The following FHIT variants were observed in gnomAD, a reference collection of about 807,000 sequenced individuals.
The protein encoded by FHIT is fragile histidine triad diadenosine triphosphatase.
FHIT carries 19 observed loss-of-function variants against 17.9 expected under a neutral mutation model. The observed-to-expected ratio is 1.06, with a 90% CI of 0.74 to 1.56. FHIT has a LOEUF of 1.56. Among genes scored for constraint, FHIT ranks in the 40% most tolerant of loss-of-function variants. FHIT has a pLI of 0.00. For missense variants in FHIT, 248 were observed against 189.2 expected (o/e 1.31, Z -1.82); for synonymous variants, 81 against 69.7 (o/e 1.16, Z -0.81).
At position 60,431,710 on chromosome 3, in the gene FHIT, C is replaced by CT. The variant is rs535493427; in HGVS notation, c.103+105149dup. On this transcript the variant is annotated intron_variant, in intron 5 of 9. Coordinates refer to ENST00000492590, the MANE Select transcript of FHIT (RefSeq NM_002012.4). ...ATTTCCTAAGCACCTCACTGACATC[C>CT]TGCAACTTGGCTTACAAACTTCCCT... 1.1e-3 allele frequency among the ~76,000 whole-genome samples: 170 copies of CT among 152,150 alleles called. 2 individuals are homozygous for CT. Among genetic ancestry groups the CT allele is most frequent in the African/African-American group, 4.0e-3 (168 of 41,552 alleles).
At chr3:60,449,983 C>A (rs1422378584) in intron 5 of FHIT, among the ~76,000 whole-genome samples, 7 of 112,934 alleles carry the variant, frequency 6.2e-5, no homozygotes, top group African/African-American at 2.4e-4. Flanking sequence ...AGCCTGGCGA[C>A]AGAGCTAGAC....
At chr3:60,959,694 T>A (rs567964761) in intron 3 of FHIT, among the ~76,000 whole-genome samples, 39 of 151,942 alleles carry the variant, frequency 2.6e-4, no homozygotes, top group Middle Eastern at 3.4e-3. Flanking sequence ...AATGTGCAAA[T>A]GCTCTGTGGG....
chr3:59,766,972 G>A (rs115113864), intron 8 of FHIT, among the ~76,000 whole-genome samples: 374 of 152,232 alleles, frequency 2.5e-3, no homozygotes, highest in African/African-American at 8.7e-3. Flanking sequence ...TTATCAGACT[G>A]TGTCTACCAG....
At chr3:60,037,979 G>A (rs1274361874) in intron 5 of FHIT, among the ~76,000 whole-genome samples, 2 of 152,142 alleles carry the variant, frequency 1.3e-5, no homozygotes, top group Admixed American at 1.3e-4. Context: ...CTCCCAAAGT[G>A]TTGGGATTAC....
chr3:59,765,113 T>C (rs1701731097), intron 8 of FHIT, among the ~76,000 whole-genome samples: 1 of 152,156 alleles, frequency 6.6e-6, no homozygotes, highest in African/African-American at 2.4e-5. Flanking sequence ...GCTGAAATAT[T>C]ATAGAGAGTT....
At chr3:60,364,838 C>T (rs866828569) in intron 5 of FHIT, among the ~76,000 whole-genome samples, 3 of 152,118 alleles carry the variant, frequency 2.0e-5, no homozygotes, top group African/African-American at 7.2e-5. Context: ...AGGGAAAATT[C>T]ACTCTCTCTG....
chr3:60,599,827 C>T (rs1429117430), intron 4 of FHIT, among the ~76,000 whole-genome samples: 2 of 152,092 alleles, frequency 1.3e-5, no homozygotes, highest in Non-Finnish European at 2.9e-5. Context: ...TCTAAACTCC[C>T]TTTCTTTAGG....
At position 59,752,389 on chromosome 3, in the gene FHIT, G is replaced by A. The variant is rs922401219; in HGVS notation, c.349-68C>T. 12 of 1,286,854 alleles carry A rather than the reference G, an allele frequency of 9.3e-6. No individual in the cohort carries two copies. The African/African-American group carries it at 1.2e-4, about 13-fold the overall frequency. The allele number at this position is 1,286,854 out of a possible 1,614,324, so 79.7% of individuals were successfully genotyped here. A position where few individuals can be genotyped will look rare whatever the true frequency, so the allele number is the denominator to read the frequency against. ...GGGATCTCCTTGAACAAATTTCGGG[G>A]GGCTGGGGGAGACTGAACAAAATTT... On this transcript the variant is annotated intron_variant, in intron 8 of 9. Coordinates refer to ENST00000492590, the MANE Select transcript of FHIT (RefSeq NM_002012.4).
chr3:61,208,990 G>A (rs1359347821), intron 1 of FHIT, among the ~76,000 whole-genome samples: 1 of 151,832 alleles, frequency 6.6e-6, no homozygotes, highest in African/African-American at 2.4e-5. Context: ...CTTCCTTCAG[G>A]GGCTCTTTTA....
chr3:59,810,651 C>T (rs746479269), intron 8 of FHIT, among the ~76,000 whole-genome samples: 12 of 152,184 alleles, frequency 7.9e-5, no homozygotes, highest in Admixed American at 3.3e-4. Flanking sequence ...GCATATTCAT[C>T]AGAAGACATA....
At chr3:60,644,515 G>C (rs562375776) in intron 4 of FHIT, among the ~76,000 whole-genome samples, 2 of 152,290 alleles carry the variant, frequency 1.3e-5, no homozygotes, top group African/African-American at 4.8e-5. Context: ...TGTCTGTTTA[G>C]AAATAAGCAT....
chr3:60,488,147 T>C (rs954348827), intron 5 of FHIT, among the ~76,000 whole-genome samples: 3 of 152,140 alleles, frequency 2.0e-5, no homozygotes, highest in African/African-American at 7.2e-5. Flanking sequence ...ATATAAACCT[T>C]TGTTAAATGA....
intron 5 of FHIT, among the ~76,000 whole-genome samples, chr3:60,073,341 C>T (rs986942687): frequency 6.6e-6 from 1 of 151,982 alleles, no homozygotes; most frequent in African/African-American, 2.4e-5. Context: ...ACTCACTCAC[C>T]TTGCCTTATC....
chr3:60,995,244 C>T (rs2030576680), intron 3 of FHIT, among the ~76,000 whole-genome samples: 1 of 152,142 alleles, frequency 6.6e-6, no homozygotes, highest in East Asian at 1.9e-4. Context: ...GGCGTGAACC[C>T]GGGAGGCGGA....
At chr3:61,120,978 C>T (rs185303121) in intron 2 of FHIT, among the ~76,000 whole-genome samples, 187 of 151,326 alleles carry the variant, frequency 1.2e-3, no homozygotes, top group African/African-American at 4.2e-3. Context: ...ATCAATCAAG[C>T]AGAAGAAAGG....
intron 5 of FHIT, among the ~76,000 whole-genome samples, chr3:60,336,311 C>G (rs1334834793): frequency 1.3e-5 from 2 of 152,274 alleles, no homozygotes; most frequent in East Asian, 1.9e-4. Context: ...AAACCCTGAC[C>G]AAAAGGAAGT....
intron 5 of FHIT, among the ~76,000 whole-genome samples, chr3:60,323,821 G>C (rs1709542926): frequency 6.6e-6 from 1 of 152,200 alleles, no homozygotes; most frequent in African/African-American, 2.4e-5. Flanking sequence ...GTAGCCGGAA[G>C]GGATCCCTGC....
chr3:60,598,965 C>T lies in FHIT; in HGVS notation c.-17-61986G>A, dbSNP rs781847269. Among the ~76,000 whole-genome samples, 58 of 152,120 alleles carry T rather than the reference C, an allele frequency of 3.8e-4. 1 individual carries two copies. Among genetic ancestry groups the T allele is most frequent in the Non-Finnish European group, 7.4e-4 (50 of 68,016 alleles). ...GATGTGCTGTCTGCCAAGGGATTTCCCTAGGAATGTTCTAATTTTCTTCTA... is the reference window on the plus strand; with the variant it reads ...GATGTGCTGTCTGCCAAGGGATTTCTCTAGGAATGTTCTAATTTTCTTCTA... On this transcript the variant is annotated intron_variant, in intron 4 of 9. Transcript: ENST00000492590.
At chr3:60,185,900 A>T (rs910598180) in intron 5 of FHIT, among the ~76,000 whole-genome samples, 4 of 152,188 alleles carry the variant, frequency 2.6e-5, no homozygotes, top group Non-Finnish European at 5.9e-5. Context: ...CTCTACCAAC[A>T]TGTGACGTTG....
Sources: gnomAD v4.1 joint callset for allele counts (sites outside exome capture counted in the v4.1 genomes callset) on GRCh38, gnomAD v4.1.1 for gene constraint, MANE v1.5 for transcripts, NCBI Gene and HGNC (gene_info 2026-07-23, HGNC 2026-07-21) for gene names.